Variants in PRUNE2 observed in about 807,000 individuals in gnomAD.
PRUNE2 encodes the protein protein prune homolog 2.
In PRUNE2, 164 loss-of-function variants were observed where a neutral mutation model predicts 252.0. The observed-to-expected ratio is 0.65, with a 90% CI of 0.57 to 0.74. PRUNE2 has a LOEUF of 0.74. Ranked by LOEUF, PRUNE2 falls within the 30% of genes least tolerant of loss-of-function variation. The probability of loss-of-function intolerance (pLI) is 0.00; values close to 1 mark genes in which losing one functional copy is unlikely to be tolerated. For missense variants in PRUNE2, 3,495 were observed against 3,711.0 expected (o/e 0.94, Z 1.51); for synonymous variants, 1,292 against 1,350.2 (o/e 0.96, Z 0.94).
chr9:76,622,500 CT>C (rs1832807080), intron 17 of PRUNE2, among the ~76,000 whole-genome samples: 1 of 152,246 alleles, frequency 6.6e-6, no homozygotes, highest in African/African-American at 2.4e-5. Flanking sequence ...TATTGATGTT[CT>C]TTCCCCCATC....
At chr9:76,674,321 TA>T (rs2042099864) in intron 9 of PRUNE2, among the ~76,000 whole-genome samples, 1 of 152,154 alleles carries the variant, frequency 6.6e-6, no homozygotes, top group African/African-American at 2.4e-5. Flanking sequence ...TCAAAGAGAA[TA>T]AAATACCTAG....
rs770957678 is a variant in PRUNE2 at position 76,706,270 on chromosome 9, T to C, written c.6004A>G (p.Lys2002Glu). 1.1e-5 allele frequency: 18 copies of C among 1,614,028 alleles called. No homozygotes were observed. In the Admixed American group the frequency reaches 2.8e-4, roughly 25 times the overall value. The change falls in exon 8 of 19, where the codon AAA becomes GAA. Residue 2002 changes from lysine to glutamate, a missense_variant. Coordinates refer to ENST00000376718, the MANE Select transcript of PRUNE2 (RefSeq NM_015225.3). The part of the protein sequence containing the change: ...GQETNQWEQE[K>E]SYLGEMTNSS... ...TTTGTCATCTCACCTAGGTATGATT[T>C]TTCTTGTTCCCACTGATTTGTTTCT...
At chr9:76,839,258 GC>G (rs1211327125) in intron 4 of PRUNE2, among the ~76,000 whole-genome samples, 5 of 152,264 alleles carry the variant, frequency 3.3e-5, no homozygotes, top group African/African-American at 1.2e-4. Flanking sequence ...CCTACTCTGT[GC>G]CAGGTACTGT....
intron 6 of PRUNE2, among the ~76,000 whole-genome samples, chr9:76,749,542 T>G (rs1422855735): frequency 6.6e-6 from 1 of 152,226 alleles, no homozygotes; most frequent in Non-Finnish European, 1.5e-5. Flanking sequence ...AATTTACTCC[T>G]TCCTTTAAAA....
intron 12 of PRUNE2, among the ~76,000 whole-genome samples, chr9:76,639,792 A>T (rs1419759319): frequency 6.6e-6 from 1 of 152,210 alleles, no homozygotes; most frequent in Non-Finnish European, 1.5e-5. Flanking sequence ...CTGAGAAAAC[A>T]GCAGGTGGGA....
intron 16 of PRUNE2, among the ~76,000 whole-genome samples, chr9:76,627,455 C>G (rs115073935): frequency 6.6e-6 from 1 of 151,968 alleles, no homozygotes; most frequent in Admixed American, 6.6e-5. Context: ...GATTTGAAGA[C>G]GGAGTACACC....
intron 1 of PRUNE2, among the ~76,000 whole-genome samples, chr9:76,890,744 A>G (rs2062421446): frequency 6.8e-6 from 1 of 147,586 alleles, no homozygotes; most frequent in African/African-American, 2.5e-5. Flanking sequence ...AAATCATCCA[A>G]TTAGACAACA....
In PRUNE2 at chr9:76,708,172, G is replaced by C; in HGVS notation, c.4102C>G (p.Leu1368Val). Residue 1368 changes from leucine (L) to valine (V), a missense_variant, in exon 8 of 19, where the codon CTG (leucine) becomes GTG (valine). Physicochemically the swap from Leu to Val is conservative, Grantham distance 32. Coordinates refer to ENST00000376718, the MANE Select transcript of PRUNE2 (RefSeq NM_015225.3). Reference protein sequence around the residue: ...KGQSDQELSSLVASEHQEICI... With the variant: ...KGQSDQELSSVVASEHQEICI... ...ATTTCCTGATGTTCAGATGCAACCA[G>C]AGAAGACAGTTCCTGGTCACTCTGC... 1.2e-6 allele frequency: 2 copies of C among 1,613,996 alleles called. No individual in the cohort carries two copies. The highest frequency in any genetic ancestry group is 1.7e-6 in the Non-Finnish European group (2 of 1,179,898).
intron 6 of PRUNE2, among the ~76,000 whole-genome samples, chr9:76,755,863 C>A (rs773566944): frequency 6.6e-6 from 1 of 152,200 alleles, no homozygotes; most frequent in East Asian, 1.9e-4. Flanking sequence ...CACCACGCCC[C>A]GGTAAATTTT....
chr9:76,663,180 A>G (rs1168812258), intron 9 of PRUNE2, among the ~76,000 whole-genome samples: 3 of 152,204 alleles, frequency 2.0e-5, no homozygotes, highest in Non-Finnish European at 2.9e-5. Context: ...TAATCCCAAG[A>G]CAGGAAATGC....
chr9:76,849,069 C>T lies in PRUNE2; in HGVS notation c.344+1394G>A, dbSNP rs147941867. Among the ~76,000 whole-genome samples the T allele has an allele frequency of 4.2e-3, 641 of 152,206 alleles. 5 individuals carry two copies. The highest frequency in any genetic ancestry group is 0.014 in the African/African-American group (597 of 41,536). On this transcript the variant is annotated intron_variant, in intron 3 of 18. Coordinates refer to ENST00000376718, the MANE Select transcript of PRUNE2 (RefSeq NM_015225.3). ...GACCACAGGTACATACCACTATGGC[C>T]AGCTAATTTCTTTGTATTTTTTGTG...
chr9:76,647,021 T>G (rs1845178998), intron 11 of PRUNE2, among the ~76,000 whole-genome samples: 1 of 152,042 alleles, frequency 6.6e-6, no homozygotes, highest in Admixed American at 6.6e-5. Context: ...AAACCCAGTC[T>G]CTACAAAAAA....
At chr9:76,619,731 G>A (rs700801) in intron 17 of PRUNE2, among the ~76,000 whole-genome samples, 101,679 of 152,156 alleles carry the variant, frequency 0.67, 35,524 homozygotes, top group Non-Finnish European at 0.8. Context: ...TACACACAGA[G>A]GAAAATCCCT....
intron 6 of PRUNE2, among the ~76,000 whole-genome samples, chr9:76,811,747 C>G (rs964329447): frequency 6.6e-6 from 1 of 152,156 alleles, no homozygotes; most frequent in Non-Finnish European, 1.5e-5. Flanking sequence ...TCAAAGGTGA[C>G]TGTGAACTTA....
intron 6 of PRUNE2, among the ~76,000 whole-genome samples, chr9:76,765,199 A>G (rs2130810917): frequency 6.6e-6 from 1 of 152,306 alleles, no homozygotes; most frequent in South Asian, 2.1e-4. Flanking sequence ...GAATTCCAAC[A>G]TGTAGAAGTT....
chr9:76,691,491 G>C (rs2044716924), intron 9 of PRUNE2, among the ~76,000 whole-genome samples: 1 of 152,066 alleles, frequency 6.6e-6, no homozygotes, highest in Admixed American at 6.5e-5. Context: ...TCTTGATTTT[G>C]AAAAGACAAA....
chr9:76,899,738 G>A (rs1462190136), intron 1 of PRUNE2, among the ~76,000 whole-genome samples: 5 of 152,122 alleles, frequency 3.3e-5, no homozygotes, highest in South Asian at 2.1e-4. Context: ...AATGACAAGC[G>A]GAAATAAGTG....
In PRUNE2 at chr9:76,708,948, G is replaced by C; in HGVS notation, c.3326C>G (p.Pro1109Arg). 1 of 1,614,026 alleles carries C rather than the reference G, an allele frequency of 6.2e-7. No homozygotes were observed. The highest frequency in any genetic ancestry group is 8.5e-7 in the Non-Finnish European group (1 of 1,179,884). The stretch of plus-strand genomic sequence containing the variant: ...TCTGTTCCACAAGTCGAGACTGTCA[G>C]GGGCCGTCTGCCGGGAGTTGGTGCT... Reference protein sequence around the residue: ...HSSTNSRQTAPDSLDLWNRVI... With the variant: ...HSSTNSRQTARDSLDLWNRVI... The change falls in exon 8 of 19, where the codon CCT becomes CGT. Residue 1109 changes from proline (P) to arginine (R), a missense_variant. By Grantham distance (103) the Pro-to-Arg change is moderately radical (BLOSUM62 -2). Transcript: ENST00000376718.
chr9:76,755,896 T>C (rs1227524600), intron 6 of PRUNE2, among the ~76,000 whole-genome samples: 2 of 152,062 alleles, frequency 1.3e-5, no homozygotes, highest in Non-Finnish European at 2.9e-5. Flanking sequence ...AGAGACAAGG[T>C]TTTGCCATGT....
Sources: allele counts gnomAD v4.1 joint callset (sites outside exome capture counted in the v4.1 genomes callset), GRCh38; gene constraint gnomAD v4.1.1; transcripts MANE v1.5; gene names NCBI Gene and HGNC (gene_info 2026-07-23, HGNC 2026-07-21).